CTNNA3: variants seen among roughly 807,000 people sequenced by gnomAD.
CTNNA3 encodes the protein catenin alpha-3.
A neutral mutation model predicts 95.7 loss-of-function variants in CTNNA3; 76 were observed. That is an observed-to-expected ratio of 0.79 (90% confidence interval 0.66 to 0.96). The LOEUF is 0.96. Ranked by LOEUF, CTNNA3 falls within the 40% of genes least tolerant of loss-of-function variation. The probability of loss-of-function intolerance (pLI) is 0.00; values close to 1 mark genes in which losing one functional copy is unlikely to be tolerated. For missense variants in CTNNA3, 1,191 were observed against 1,089.8 expected (o/e 1.09, Z -1.31); for synonymous variants, 431 against 374.4 (o/e 1.15, Z -1.74).
chr10:66,385,752 T>C (rs1017439874), intron 11 of CTNNA3, among the ~76,000 whole-genome samples: 5 of 152,170 alleles, frequency 3.3e-5, no homozygotes, highest in South Asian at 2.1e-4. Context: ...CATGATCAAG[T>C]AGGCTTCATC....
At chr10:66,672,960 T>C (rs1436353851) in intron 9 of CTNNA3, among the ~76,000 whole-genome samples, 4 of 152,032 alleles carry the variant, frequency 2.6e-5, no homozygotes, top group African/African-American at 9.7e-5. Context: ...TTTATTCTTC[T>C]AAATATTTGA....
intron 2 of CTNNA3, among the ~76,000 whole-genome samples, chr10:67,611,884 TA>T (rs1305705759): frequency 2.0e-5 from 3 of 152,200 alleles, no homozygotes; most frequent in Non-Finnish European, 4.4e-5. Context: ...TAAGCTATGT[TA>T]ATTAGCTAAA....
intron 5 of CTNNA3, among the ~76,000 whole-genome samples, chr10:67,357,570 T>C (rs997523154): frequency 5.9e-5 from 9 of 152,144 alleles, no homozygotes; most frequent in African/African-American, 2.2e-4. Context: ...TTACATCAGC[T>C]AGAAAAACAC....
At chr10:66,428,574 A>G (rs1466908625) in intron 11 of CTNNA3, among the ~76,000 whole-genome samples, 1 of 152,214 alleles carries the variant, frequency 6.6e-6, no homozygotes, top group Non-Finnish European at 1.5e-5. Context: ...CAGTGCAATC[A>G]AACTAGAAGG....
intron 5 of CTNNA3, among the ~76,000 whole-genome samples, chr10:67,470,800 A>T (rs1180948342): frequency 6.6e-6 from 1 of 151,994 alleles, no homozygotes; most frequent in Non-Finnish European, 1.5e-5. Context: ...CTTTTCTTTG[A>T]CACAGAGTCT....
intron 5 of CTNNA3, among the ~76,000 whole-genome samples, chr10:67,260,409 C>G (rs962561889): frequency 1.3e-5 from 2 of 152,114 alleles, no homozygotes; most frequent in Admixed American, 6.6e-5. Context: ...AATTTGGCAA[C>G]AAATATAAAA....
chr10:66,012,307 G>A (rs1039477683), intron 15 of CTNNA3, among the ~76,000 whole-genome samples: 1 of 152,104 alleles, frequency 6.6e-6, no homozygotes, highest in African/African-American at 2.4e-5. Context: ...TTGTTGGTGT[G>A]GGGAGAATAT....
chr10:66,155,803 A>T (rs189121982), intron 13 of CTNNA3, among the ~76,000 whole-genome samples: 21 of 152,046 alleles, frequency 1.4e-4, no homozygotes, highest in Admixed American at 1.2e-3. Context: ...TAAAAAGTTG[A>T]TACATTGAAC....
At chr10:67,683,742 T>C (rs545231639) in intron 1 of CTNNA3, among the ~76,000 whole-genome samples, 8 of 151,620 alleles carry the variant, frequency 5.3e-5, no homozygotes, top group African/African-American at 1.7e-4. Flanking sequence ...AAAGATGTTG[T>C]GTCCAGAGTT....
At chr10:67,213,253 T>A (rs974186024) in intron 6 of CTNNA3, among the ~76,000 whole-genome samples, 11 of 151,792 alleles carry the variant, frequency 7.2e-5, no homozygotes, top group African/African-American at 2.7e-4. Flanking sequence ...TTTTAGTATT[T>A]ATAATATTTA....
chr10:67,310,446 T>C (rs1840745064), intron 5 of CTNNA3, among the ~76,000 whole-genome samples: 1 of 152,156 alleles, frequency 6.6e-6, no homozygotes, highest in Admixed American at 6.5e-5. Context: ...ATTAAATTTG[T>C]AAGAGGAAAA....
At chr10:66,342,019 T>C (rs1194235359) in intron 12 of CTNNA3, among the ~76,000 whole-genome samples, 1 of 151,822 alleles carries the variant, frequency 6.6e-6, no homozygotes, top group Non-Finnish European at 1.5e-5. Flanking sequence ...TTACAGATAA[T>C]GAGTTTGAGA....
At chr10:66,844,206 C>T (rs1010070295) in intron 7 of CTNNA3, among the ~76,000 whole-genome samples, 10 of 152,112 alleles carry the variant, frequency 6.6e-5, no homozygotes, top group South Asian at 2.1e-4. Flanking sequence ...TTCTTAAATC[C>T]GAATGACTAC....
intron 9 of CTNNA3, among the ~76,000 whole-genome samples, chr10:66,642,829 T>C (rs1845566606): frequency 6.6e-6 from 1 of 152,144 alleles, no homozygotes; most frequent in Admixed American, 6.5e-5. Context: ...CATGAAAAAG[T>C]CAACATCTTA....
intron 10 of CTNNA3, among the ~76,000 whole-genome samples, chr10:66,530,964 G>A (rs1244199975): frequency 1.3e-5 from 2 of 152,132 alleles, no homozygotes; most frequent in Non-Finnish European, 2.9e-5. Context: ...TACTGCTGAA[G>A]AGGAAAAGTT....
chr10:67,306,857 A>C (rs1430076925), intron 5 of CTNNA3, among the ~76,000 whole-genome samples: 2 of 152,200 alleles, frequency 1.3e-5, no homozygotes, highest in Non-Finnish European at 2.9e-5. Flanking sequence ...AAAACCCTTC[A>C]CATATCTGGC....
intron 12 of CTNNA3, among the ~76,000 whole-genome samples, chr10:66,344,895 T>C (rs143250782): frequency 1.3e-5 from 2 of 152,102 alleles, no homozygotes; most frequent in Non-Finnish European, 2.9e-5. Context: ...TGCCCACAAG[T>C]ATAAAGCAAA....
At chr10:66,439,978 T>C (rs2131782538) in intron 11 of CTNNA3, among the ~76,000 whole-genome samples, 1 of 152,286 alleles carries the variant, frequency 6.6e-6, no homozygotes, top group East Asian at 1.9e-4. Flanking sequence ...ATCACATGAA[T>C]GTGTAATTGA....
chr10:67,545,221 T>C (rs1840812250), intron 3 of CTNNA3, among the ~76,000 whole-genome samples: 1 of 152,190 alleles, frequency 6.6e-6, no homozygotes, highest in Non-Finnish European at 1.5e-5. Context: ...ATAAAAGTAA[T>C]AGAAACATCT....
Sources: gnomAD v4.1 joint callset for allele counts (sites outside exome capture counted in the v4.1 genomes callset) on GRCh38, gnomAD v4.1.1 for gene constraint, MANE v1.5 for transcripts, NCBI Gene and HGNC (gene_info 2026-07-23, HGNC 2026-07-21) for gene names.